Variants in GALNTL6 observed in about 807,000 individuals in gnomAD.
GALNTL6 encodes polypeptide N-acetylgalactosaminyltransferase-like 6.
In GALNTL6, 46 loss-of-function variants were observed where a neutral mutation model predicts 73.7. The observed-to-expected ratio is 0.62, with a 90% confidence interval of 0.49 to 0.80. The LOEUF (loss-of-function observed/expected upper bound fraction) is 0.80, where lower values mean the gene tolerates loss of function less well. Ranked by LOEUF, GALNTL6 falls within the 30% of genes least tolerant of loss-of-function variation. GALNTL6 has a pLI of 0.00. For synonymous variants in GALNTL6, 259 were observed against 263.7 expected (o/e 0.98, Z 0.17); for missense variants, 604 against 755.0 (o/e 0.80, Z 2.34).
intron 7 of GALNTL6, among the ~76,000 whole-genome samples, chr4:172,854,646 A>G (rs1481172166): frequency 6.6e-6 from 1 of 152,080 alleles, no homozygotes; most frequent in Non-Finnish European, 1.5e-5. Flanking sequence ...TCTATATCCA[A>G]TTGTAAAAAA....
At chr4:172,344,529 G>A (rs1182224985) in intron 4 of GALNTL6, among the ~76,000 whole-genome samples, 2 of 152,136 alleles carry the variant, frequency 1.3e-5, no homozygotes, top group African/African-American at 4.8e-5. Flanking sequence ...TCTACTCTTT[G>A]CCATCTGCAA....
At chr4:172,149,571 T>G (rs1324705485) in intron 2 of GALNTL6, among the ~76,000 whole-genome samples, 1 of 152,158 alleles carries the variant, frequency 6.6e-6, no homozygotes, top group Non-Finnish European at 1.5e-5. Flanking sequence ...GGGCCTCTGT[T>G]TTGTGTCATC....
At chr4:172,207,015 C>T (rs1426227072) in intron 2 of GALNTL6, among the ~76,000 whole-genome samples, 2 of 150,966 alleles carry the variant, frequency 1.3e-5, no homozygotes, top group African/African-American at 4.9e-5. Flanking sequence ...GGCGGGGTTT[C>T]ACCATGTTAG....
chr4:171,933,654 A>G (rs1405932347), intron 2 of GALNTL6, among the ~76,000 whole-genome samples: 1 of 152,152 alleles, frequency 6.6e-6, no homozygotes, highest in South Asian at 2.1e-4. Flanking sequence ...CTTAACTAAG[A>G]CAGTTAACAA....
intron 2 of GALNTL6, among the ~76,000 whole-genome samples, chr4:171,877,808 A>ATTATT (rs1355198879): frequency 1.3e-5 from 2 of 152,238 alleles, no homozygotes; most frequent in Non-Finnish European, 2.9e-5. Flanking sequence ...TGATAACAAA[A>ATTATT]TAATGATTAA....
intron 2 of GALNTL6, among the ~76,000 whole-genome samples, chr4:171,943,527 C>G (rs1286341323): frequency 6.6e-6 from 1 of 152,128 alleles, no homozygotes; most frequent in Non-Finnish European, 1.5e-5. Context: ...CTATATTTGT[C>G]TCTCTTACTT....
chr4:172,272,267 T>C (rs778896546), intron 3 of GALNTL6, among the ~76,000 whole-genome samples: 2 of 152,182 alleles, frequency 1.3e-5, no homozygotes, highest in Admixed American at 1.3e-4. Context: ...ATGGCCATCA[T>C]AGTTTAATGA....
intron 4 of GALNTL6, among the ~76,000 whole-genome samples, chr4:172,329,139 T>C (rs564509462): frequency 2.0e-5 from 3 of 152,264 alleles, no homozygotes; most frequent in African/African-American, 7.2e-5. Context: ...GTGCTCTGTG[T>C]TGGTGGTCCA....
At chr4:172,832,651 C>A (rs1742700067) in intron 7 of GALNTL6, among the ~76,000 whole-genome samples, 1 of 152,318 alleles carries the variant, frequency 6.6e-6, no homozygotes, top group South Asian at 2.1e-4. Context: ...GTGTGTAATT[C>A]ACCCCAGGAG....
At chr4:171,901,201 A>G (rs1737082876) in intron 2 of GALNTL6, among the ~76,000 whole-genome samples, 2 of 152,214 alleles carry the variant, frequency 1.3e-5, no homozygotes, top group Admixed American at 6.5e-5. Flanking sequence ...CTCTACCTCC[A>G]GACTATATTT....
At chr4:172,515,545 A>G (rs1001655161) in intron 5 of GALNTL6, among the ~76,000 whole-genome samples, 21 of 152,254 alleles carry the variant, frequency 1.4e-4, no homozygotes, top group South Asian at 4.1e-4. Context: ...TTTGCGTTCA[A>G]TTTAACAGGG....
intron 5 of GALNTL6, among the ~76,000 whole-genome samples, chr4:172,757,296 G>C (rs951929149): frequency 6.6e-6 from 1 of 152,132 alleles, no homozygotes. Context: ...TCGTGTTCCT[G>C]TTTCTCTACT....
At chr4:172,037,961 A>C (rs1349003420) in intron 2 of GALNTL6, among the ~76,000 whole-genome samples, 1 of 152,126 alleles carries the variant, frequency 6.6e-6, no homozygotes, top group East Asian at 1.9e-4. Context: ...CTACTAAAAA[A>C]TACAAAAATT....
intron 9 of GALNTL6, among the ~76,000 whole-genome samples, chr4:172,939,377 T>A (rs1342995269): frequency 6.6e-6 from 1 of 152,200 alleles, no homozygotes; most frequent in African/African-American, 2.4e-5. Context: ...GCATCTTCCA[T>A]AAATAATGTT....
rs1579378361 is a variant in GALNTL6 at position 172,712,539 on chromosome 4, A to G, written c.554-96822A>G. Among the ~76,000 whole-genome samples, 6 of 152,238 alleles carry G rather than the reference A, an allele frequency of 3.9e-5. No individual in the cohort carries two copies. In the South Asian group the frequency reaches 1.2e-3, roughly 32 times the overall value. On this transcript the variant is annotated intron_variant, in intron 5 of 12. Coordinates refer to ENST00000506823, the MANE Select transcript of GALNTL6 (RefSeq NM_001034845.3). ...TGCTACTTTTTTATGAAGAAAAAAT[A>G]ATGGAAACAATAAAAGTTCTGGTGG...
chr4:171,986,904 A>G (rs9760173), intron 2 of GALNTL6, among the ~76,000 whole-genome samples: 12,633 of 152,244 alleles, frequency 0.083, 687 homozygotes, highest in African/African-American at 0.15. Flanking sequence ...TGGGAATAGT[A>G]CCAGGAGATA....
At chr4:172,484,477 G>A (rs1423143114) in intron 5 of GALNTL6, among the ~76,000 whole-genome samples, 1 of 151,094 alleles carries the variant, frequency 6.6e-6, no homozygotes, top group Non-Finnish European at 1.5e-5. Context: ...AAACATTGGT[G>A]GTGCTGTTGA....
intron 2 of GALNTL6, among the ~76,000 whole-genome samples, chr4:171,921,249 T>A (rs1046339291): frequency 2.6e-5 from 4 of 152,094 alleles, no homozygotes; most frequent in Admixed American, 2.6e-4. Flanking sequence ...CAATACCAGA[T>A]GACCAAAGTA....
intron 5 of GALNTL6, among the ~76,000 whole-genome samples, chr4:172,658,324 G>A (rs1162416602): frequency 4.7e-5 from 7 of 149,570 alleles, no homozygotes; most frequent in African/African-American, 7.4e-5. Flanking sequence ...AAAATTAGCC[G>A]GGCGTGGTGG....
Sources: allele counts gnomAD v4.1 joint callset (sites outside exome capture counted in the v4.1 genomes callset), GRCh38; gene constraint gnomAD v4.1.1; transcripts MANE v1.5; gene names NCBI Gene and HGNC (gene_info 2026-07-23, HGNC 2026-07-21).